VPS13B: variants seen among roughly 807,000 people sequenced by gnomAD.
The protein encoded by VPS13B is vacuolar protein sorting 13 homolog B.
Under a neutral mutation model 426.4 loss-of-function variants are expected in VPS13B, and 285 were observed. That is an observed-to-expected ratio of 0.67 (90% confidence interval 0.61 to 0.74). The LOEUF (loss-of-function observed/expected upper bound fraction) is 0.74, where lower values mean the gene tolerates loss of function less well. VPS13B is among the 30% of genes least tolerant of loss of function. The pLI, the probability that VPS13B is intolerant of heterozygous loss-of-function variation, is 0.00. For missense variants in VPS13B, 4,537 were observed against 4,782.6 expected, an observed-to-expected ratio of 0.95 and a Z score of 1.51; for synonymous variants, 1,676 against 1,676.4, an observed-to-expected ratio of 1.00 and a Z score of 0.01.
At chr8:99,127,967 A>T (rs1809522067) in intron 8 of VPS13B, among the ~76,000 whole-genome samples, 3 of 152,186 alleles carry the variant, frequency 2.0e-5, no homozygotes, top group African/African-American at 7.2e-5. Context: ...TGTTTTAATT[A>T]ATGTATATGA....
intron 35 of VPS13B, among the ~76,000 whole-genome samples, chr8:99,675,700 C>A (rs1268922011): frequency 6.6e-6 from 1 of 151,980 alleles, no homozygotes; most frequent in East Asian, 1.9e-4. Flanking sequence ...TAGATTGTTT[C>A]TTCTGCTTGA....
At chr8:99,751,864 C>T (rs920560989) in intron 39 of VPS13B, among the ~76,000 whole-genome samples, 2 of 152,118 alleles carry the variant, frequency 1.3e-5, no homozygotes, top group African/African-American at 2.4e-5. Flanking sequence ...GTTCCAAACC[C>T]TAAGTCTCTG....
chr8:99,825,392 A>G (rs1814621967), intron 51 of VPS13B, among the ~76,000 whole-genome samples: 1 of 151,900 alleles, frequency 6.6e-6, no homozygotes, highest in South Asian at 2.1e-4. Context: ...GTGTCTGTGT[A>G]TATCCTTTGC....
At chr8:99,239,256 A>G (rs926267959) in intron 17 of VPS13B, among the ~76,000 whole-genome samples, 2 of 152,224 alleles carry the variant, frequency 1.3e-5, no homozygotes, top group African/African-American at 2.4e-5. Flanking sequence ...TCAACAGGTT[A>G]TATCCAATTC....
At chr8:99,332,105 G>A (rs1232473471) in intron 19 of VPS13B, among the ~76,000 whole-genome samples, 1 of 151,570 alleles carries the variant, frequency 6.6e-6, no homozygotes, top group Non-Finnish European at 1.5e-5. Context: ...ATTTAATGGG[G>A]TTTCTTATAA....
intron 3 of VPS13B, among the ~76,000 whole-genome samples, chr8:99,065,362 G>A (rs1338707009): frequency 6.6e-6 from 1 of 152,114 alleles, no homozygotes; most frequent in Non-Finnish European, 1.5e-5. Flanking sequence ...TTCAGCATAC[G>A]TAAATCAATA....
At chr8:99,258,529 A>T (rs1817875100) in intron 17 of VPS13B, among the ~76,000 whole-genome samples, 1 of 152,162 alleles carries the variant, frequency 6.6e-6, no homozygotes, top group South Asian at 2.1e-4. Context: ...ATCAGTTTAT[A>T]AACAAATTTA....
chr8:99,696,400 C>G (rs956733460), intron 35 of VPS13B: 20 of 331,434 alleles, frequency 6.0e-5, no homozygotes, highest in Non-Finnish European at 1.1e-4. Context: ...GATCGTGGTG[C>G]TCATGCTGTG....
intron 2 of VPS13B, among the ~76,000 whole-genome samples, chr8:99,022,857 A>G (rs886959459): frequency 2.0e-5 from 3 of 151,994 alleles, no homozygotes; most frequent in African/African-American, 7.2e-5. Flanking sequence ...AATCATTCTG[A>G]AAAGTGTCCC....
At chr8:99,621,083 G>A (rs1414416770) in intron 33 of VPS13B, among the ~76,000 whole-genome samples, 1 of 151,488 alleles carries the variant, frequency 6.6e-6, no homozygotes, top group Admixed American at 6.6e-5. Context: ...GACTCCTTTA[G>A]TTAGGGTTAG....
intron 5 of VPS13B, among the ~76,000 whole-genome samples, chr8:99,106,496 G>A (rs941488755): frequency 1.4e-5 from 2 of 142,472 alleles, no homozygotes; most frequent in African/African-American, 2.6e-5. Context: ...ATAGCTAAAC[G>A]ACATACCACA....
chr8:99,334,106 G>C (rs1231525830), intron 19 of VPS13B, among the ~76,000 whole-genome samples: 1 of 151,778 alleles, frequency 6.6e-6, no homozygotes, highest in South Asian at 2.1e-4. Context: ...GTTACTATAA[G>C]GTAGTTGTAT....
At chr8:99,808,428 A>G (rs1813517444) in intron 43 of VPS13B, among the ~76,000 whole-genome samples, 2 of 151,114 alleles carry the variant, frequency 1.3e-5, no homozygotes, top group Admixed American at 1.3e-4. Context: ...AGGCAAGAGA[A>G]TCGCTTGAAC....
chr8:99,069,119 A>T (rs1348195127), intron 3 of VPS13B, among the ~76,000 whole-genome samples: 2 of 152,196 alleles, frequency 1.3e-5, no homozygotes, highest in African/African-American at 2.4e-5. Flanking sequence ...CATAATACCT[A>T]CATAATTTGA....
chr8:99,483,354 G>A (rs949504652), intron 25 of VPS13B, among the ~76,000 whole-genome samples: 2 of 152,032 alleles, frequency 1.3e-5, no homozygotes, highest in Admixed American at 6.6e-5. Flanking sequence ...GGGACGTATC[G>A]TTTCTAGAGT....
intron 17 of VPS13B, among the ~76,000 whole-genome samples, chr8:99,202,683 C>A (rs1814402167): frequency 6.6e-6 from 1 of 152,082 alleles, no homozygotes; most frequent in African/African-American, 2.4e-5. Context: ...GGGACTCCTC[C>A]CTATCTCATT....
At chr8:99,839,491 C>T (rs1405684348) in intron 54 of VPS13B, among the ~76,000 whole-genome samples, 1 of 152,168 alleles carries the variant, frequency 6.6e-6, no homozygotes, top group Non-Finnish European at 1.5e-5. Flanking sequence ...TTGATCACTG[C>T]AAAAATTCTA....
At chr8:99,784,285 A>G (rs760316539) in intron 42 of VPS13B, 30 bp from the exon 43 acceptor site, 1 of 1,613,342 alleles carries the variant, frequency 6.2e-7, no homozygotes, top group Non-Finnish European at 8.5e-7. Flanking sequence ...AATCCGATCC[A>G]TGTTGGCTTT....
chr8:99,869,460 C>A (rs1380620858), intron 59 of VPS13B, among the ~76,000 whole-genome samples: 8 of 152,162 alleles, frequency 5.3e-5, no homozygotes, highest in Non-Finnish European at 8.8e-5. Flanking sequence ...CGGAGAGCAT[C>A]CTTAAGAGAC....
Sources: gnomAD v4.1 joint callset for allele counts (sites outside exome capture counted in the v4.1 genomes callset) on GRCh38, gnomAD v4.1.1 for gene constraint, MANE v1.5 for transcripts, NCBI Gene and HGNC (gene_info 2026-07-23, HGNC 2026-07-21) for gene names.